Variants in SLC27A4 observed in about 807,000 individuals in gnomAD.
The protein encoded by SLC27A4 is solute carrier family 27 member 4, also known as long-chain fatty acid transport protein 4.
SLC27A4 carries 33 observed loss-of-function variants against 64.4 expected under a neutral mutation model. That is an observed-to-expected ratio of 0.51 (90% confidence interval 0.39 to 0.68). The LOEUF is 0.68. Ranked by LOEUF, SLC27A4 falls within the 30% of genes least tolerant of loss-of-function variation. SLC27A4 has a pLI of 0.00. For missense variants in SLC27A4, 824 were observed against 883.5 expected, an observed-to-expected ratio of 0.93 and a Z score of 0.85; for synonymous variants, 377 against 370.0, an observed-to-expected ratio of 1.02 and a Z score of -0.22.
Position 128,343,280 on chromosome 9 carries a change from A to G in SLC27A4, c.148A>G (p.Arg50Gly), listed in dbSNP as rs771629483. The G allele has an allele frequency of 4.3e-6, 7 of 1,613,978 alleles. No individual in the cohort carries two copies. In the South Asian group the frequency reaches 7.7e-5, roughly 18 times the overall value. Residue 50 changes from arginine to glycine, a missense_variant, in exon 2 of 13, where the codon AGG becomes GGG. Transcript: ENST00000300456. ...CATCCGGGTCTTCATCAAGACCATC[A>G]GGCGCGATATCTTGTGAGTACCTGG... ...RFIRVFIKTI[R>G]RDIFGGLVLL...
rs1049028473 is a variant in SLC27A4, at chr9:128,353,971, C to T, written c.1324+430C>T. On this transcript the variant is annotated intron_variant, in intron 9 of 12. Transcript: ENST00000300456. This position sits in a 1 kb window ranked among gnomAD's most constrained non-coding sequence, Gnocchi z 4.9. ...TTTTAGCCGGGATGGTCTCGATCTCCTGACCTCGTGATCCGCCCGCCTCGG... is the reference window on the plus strand; with the variant it reads ...TTTTAGCCGGGATGGTCTCGATCTCTTGACCTCGTGATCCGCCCGCCTCGG... Among the ~76,000 whole-genome samples the T allele has an allele frequency of 6.6e-6, 1 of 151,452 alleles. No homozygotes were observed. Among genetic ancestry groups the T allele is most frequent in the Non-Finnish European group, 1.5e-5 (1 of 67,988 alleles).
Position 128,340,706 on chromosome 9 carries a change from G to T in SLC27A4, c.-139G>T. On this transcript the variant is annotated 5_prime_UTR_variant, in exon 1 of 13. Transcript: ENST00000300456. Reference sequence around the variant, plus strand: ...CTGGCGGGGCGGCCGGGCCATGCAGGGCGCAGAGCCGGCTAAACCCTGCTG... The same window carrying T: ...CTGGCGGGGCGGCCGGGCCATGCAGTGCGCAGAGCCGGCTAAACCCTGCTG... 1 of 488,688 alleles carries T rather than the reference G, an allele frequency of 2.0e-6. No individual in the cohort carries two copies. Among genetic ancestry groups the T allele is most frequent in the Non-Finnish European group, 3.7e-6 (1 of 268,944 alleles). The allele number at this position is 488,688 out of a possible 1,614,324, so 30.3% of individuals were successfully genotyped here. A position where few individuals can be genotyped will look rare whatever the true frequency, so the allele number is the denominator to read the frequency against.
intron 9 of SLC27A4, among the ~76,000 whole-genome samples, chr9:128,354,795 A>AT (rs1416653712): frequency 6.6e-6 from 1 of 151,496 alleles, no homozygotes; most frequent in Non-Finnish European, 1.5e-5. Context: ...AAAAAATAAA[A>AT]AAAAAAAATT....
Position 128,345,642 on chromosome 9 carries a change from C to T in SLC27A4, c.556+93C>T. 7.0e-7 allele frequency: 1 copy of T among 1,426,336 alleles called. No individual in the cohort carries two copies. Among genetic ancestry groups the T allele is most frequent in the South Asian group, 1.4e-5 (1 of 71,882 alleles). The allele number at this position is 1,426,336 out of a possible 1,614,324, so 88.4% of individuals were successfully genotyped here. A position where few individuals can be genotyped will look rare whatever the true frequency, so the allele number is the denominator to read the frequency against. ...CCAGCCCTGCCAAGGCTGTGTGGGT[C>T]AGTGGTTAAGGGCACAGAGTGGAGT... On this transcript the variant is annotated intron_variant, in intron 3 of 12. Coordinates refer to ENST00000300456, the MANE Select transcript of SLC27A4 (RefSeq NM_005094.4). This position sits in a 1 kb window ranked among gnomAD's most constrained non-coding sequence, Gnocchi z 4.1.
chr9:128,353,553 C>T lies in SLC27A4; in HGVS notation c.1324+12C>T, dbSNP rs777362359. 15 of 1,613,442 alleles carry T rather than the reference C, an allele frequency of 9.3e-6. No individual in the cohort carries two copies. Among genetic ancestry groups the T allele is most frequent in the East Asian group, 2.2e-5 (1 of 44,862 alleles). On this transcript the variant is annotated intron_variant, in intron 9 of 12. Transcript: ENST00000300456. The surrounding 1 kb of genome is among the most constrained non-coding windows in gnomAD (Gnocchi z 4.9). The stretch of plus-strand genomic sequence containing the variant: ...TCCCTGCCAGCCAGGTCTGCCACTT[C>T]GGGGTCAGAGAGGGAGGGGTTGGCC...
rs1006921491 is a variant in SLC27A4, at chr9:128,352,707, C to T, written c.947C>T (p.Ala316Val). 6.2e-7 allele frequency: 1 copy of T among 1,614,134 alleles called. No homozygotes were observed. The highest frequency in any genetic ancestry group is 8.5e-7 in the Non-Finnish European group (1 of 1,179,952). Reference protein sequence around the residue: ...MTVVIRKKFSASRFWDDCIKY... With the variant: ...MTVVIRKKFSVSRFWDDCIKY... ...GTGGTGATTCGGAAGAAGTTCTCAG[C>T]CTCCCGGTTCTGGGACGATTGTATC... The change falls in exon 7 of 13, where the codon GCC (alanine) becomes GTC (valine). Residue 316 changes from alanine (A) to valine (V), a missense_variant. By Grantham distance (64) the Ala-to-Val change is moderately conservative (BLOSUM62 0). Transcript: ENST00000300456.
intron 3 of SLC27A4, 150 bp from the exon 4 acceptor site, chr9:128,348,395 C>T: frequency 1.1e-6 from 1 of 897,558 alleles, no homozygotes. Context: ...TTGCCGGTGC[C>T]CCTGTCAACA....
rs1462593209 is a variant in SLC27A4 at position 128,360,829 on chromosome 9, T to C, written c.*338T>C. 3 of 355,960 alleles carry C rather than the reference T, an allele frequency of 8.4e-6. No individual in the cohort carries two copies. The highest frequency in any genetic ancestry group is 1.6e-5 in the Non-Finnish European group (3 of 185,526). 22.1% of individuals were successfully genotyped at this position (355,960 alleles called of 1,614,324 possible). A position where few individuals can be genotyped will look rare whatever the true frequency, so the allele number is the denominator to read the frequency against. On this transcript the variant is annotated 3_prime_UTR_variant, in exon 13 of 13. Coordinates refer to ENST00000300456, the MANE Select transcript of SLC27A4 (RefSeq NM_005094.4). ...CCCTTCCCAGAGAGCAGGGAGCTTA[T>C]AAATGGAACCAGAGCAGAAGTCCCC...
At position 128,353,666 on chromosome 9, in the gene SLC27A4, TTACTCATTTATTTGTG is replaced by T. The variant is rs1832772569; in HGVS notation, c.1324+128_1324+143del. ...TTATCTCTGCTCTTAGGGTTACAAGTTACTCATTTATTTGTGTATCCATCCATTCATTCATTCATTC... is the reference window on the plus strand; with the variant it reads ...TTATCTCTGCTCTTAGGGTTACAAGTTATCCATCCATTCATTCATTCATTC... On this transcript the variant is annotated intron_variant, in intron 9 of 12. Transcript: ENST00000300456. This position sits in a 1 kb window ranked among gnomAD's most constrained non-coding sequence, Gnocchi z 4.9. 1 of 956,430 alleles carries T rather than the reference TTACTCATTTATTTGTG, an allele frequency of 1.0e-6. No homozygotes were observed. The highest frequency in any genetic ancestry group is 1.6e-6 in the Non-Finnish European group (1 of 642,580). The allele number at this position is 956,430 out of a possible 1,614,324, so 59.2% of individuals were successfully genotyped here.
In SLC27A4 at chr9:128,360,957, C is replaced by G; in HGVS notation, c.*466C>G. The G allele has an allele frequency of 2.0e-5, 4 of 197,524 alleles. No homozygotes were observed. Among genetic ancestry groups the G allele is most frequent in the Admixed American group, 1.1e-4 (2 of 18,816 alleles). 12.2% of individuals were successfully genotyped at this position (197,524 alleles called of 1,614,324 possible). A position where few individuals can be genotyped will look rare whatever the true frequency, so the allele number is the denominator to read the frequency against. ...GCTGCCCAAGTTCACTGGGCTCCAC[C>G]CCCACCTCCAGGAGGGGAGGAGAGG... On this transcript the variant is annotated 3_prime_UTR_variant, in exon 13 of 13. Coordinates refer to ENST00000300456, the MANE Select transcript of SLC27A4 (RefSeq NM_005094.4).
At position 128,348,579 on chromosome 9, in the gene SLC27A4, G is replaced by A. The variant is rs145438251; in HGVS notation, c.591G>A (p.Ser197=). The change falls in exon 4 of 13, where the codon TCG becomes TCA. Residue 197 remains serine (S), a synonymous_variant. Transcript: ENST00000300456. ...ICEVHASLDP[S]LSLFCSGSWE... ...AGGTCCATGCCAGCCTGGACCCCTC[G>A]CTCAGCCTCTTCTGCTCTGGCTCCT... 61 of 1,613,182 alleles carry A rather than the reference G, an allele frequency of 3.8e-5. No individual in the cohort carries two copies. The African/African-American group carries it at 6.0e-4, about 16-fold the overall frequency.
chr9:128,358,774 C>T (rs1832856958), intron 12 of SLC27A4, among the ~76,000 whole-genome samples: 1 of 152,112 alleles, frequency 6.6e-6, no homozygotes, highest in African/African-American at 2.4e-5. Context: ...TGTAAATAGC[C>T]ACATGAGGTC....
Position 128,360,804 on chromosome 9 carries a change from C to G in SLC27A4, c.*313C>G, listed in dbSNP as rs1042954055. Reference sequence around the variant, plus strand: ...AGGGAGAGGACAAGGGGTCACCGAGCCCTTCCCAGAGAGCAGGGAGCTTAT... The same window carrying G: ...AGGGAGAGGACAAGGGGTCACCGAGGCCTTCCCAGAGAGCAGGGAGCTTAT... On this transcript the variant is annotated 3_prime_UTR_variant, in exon 13 of 13. Transcript: ENST00000300456. 3 of 402,680 alleles carry G rather than the reference C, an allele frequency of 7.5e-6. No homozygotes were observed. Among genetic ancestry groups the G allele is most frequent in the Non-Finnish European group, 1.4e-5 (3 of 213,462 alleles). The allele number at this position is 402,680 out of a possible 1,614,324, so 24.9% of individuals were successfully genotyped here.
intron 1 of SLC27A4, 131 bp from the exon 2 acceptor site, chr9:128,342,996 C>A: frequency 8.2e-7 from 1 of 1,218,328 alleles, no homozygotes; most frequent in Non-Finnish European, 1.2e-6. Flanking sequence ...TGGTCAGTCA[C>A]CCAACTCAGT....
At chr9:128,350,603 C>T in intron 6 of SLC27A4, 28 bp downstream of exon 6, 3 of 1,531,730 alleles carry the variant, frequency 2.0e-6, no homozygotes, top group Non-Finnish European at 2.7e-6. Flanking sequence ...ACACAGCCTC[C>T]AGCACCTGCC....
Position 128,340,600 on chromosome 9 carries a change from T to G in SLC27A4, c.-245T>G, listed in dbSNP as rs572741027. 1.2e-5 allele frequency: 3 copies of G among 241,642 alleles called. No homozygotes were observed. In the South Asian group the frequency reaches 5.5e-4, roughly 44 times the overall value. The allele number at this position is 241,642 out of a possible 1,614,324, so 15.0% of individuals were successfully genotyped here. On this transcript the variant is annotated 5_prime_UTR_variant, in exon 1 of 13. Transcript: ENST00000300456. ...TCGGGGAAGGTGCGGCAGGCGGTGC[T>G]GCGGCCTGGCACAGCAGGTTTGGGG... is the stretch of plus-strand genomic sequence containing the variant.
chr9:128,341,647 G>T (rs1420378087), intron 1 of SLC27A4, among the ~76,000 whole-genome samples: 1 of 152,200 alleles, frequency 6.6e-6, no homozygotes, highest in African/African-American at 2.4e-5. Flanking sequence ...CAGGGACCAA[G>T]CAGGGCTCCT....
At chr9:128,346,322 C>T (rs1832656934) in intron 3 of SLC27A4, among the ~76,000 whole-genome samples, 1 of 152,006 alleles carries the variant, frequency 6.6e-6, no homozygotes. Flanking sequence ...CAACCTCCAC[C>T]TCCCGGGTTC....
chr9:128,360,557 G>T lies in SLC27A4; in HGVS notation c.*66G>T. The T allele has an allele frequency of 6.3e-7, 1 of 1,581,382 alleles. No individual in the cohort carries two copies. Among genetic ancestry groups the T allele is most frequent in the Non-Finnish European group, 8.7e-7 (1 of 1,155,992 alleles). On this transcript the variant is annotated 3_prime_UTR_variant, in exon 13 of 13. Coordinates refer to ENST00000300456, the MANE Select transcript of SLC27A4 (RefSeq NM_005094.4). ...GAGCCCCAGGTTCCGCCCCAGAGCG[G>T]TCCTGGACAAGGCCAGACCAAAGCA... is the stretch of plus-strand genomic sequence containing the variant.
Sources: allele counts gnomAD v4.1 joint callset (sites outside exome capture counted in the v4.1 genomes callset), GRCh38; gene constraint gnomAD v4.1.1; non-coding constraint Gnocchi (gnomAD v3.1); transcripts MANE v1.5; gene names NCBI Gene and HGNC (gene_info 2026-07-23, HGNC 2026-07-21).